JAK2: variants seen among roughly 807,000 people sequenced by gnomAD.
JAK2 encodes tyrosine-protein kinase JAK2.
A neutral mutation model predicts 139.3 loss-of-function variants in JAK2; 86 were observed. The observed-to-expected ratio is 0.62, with a 90% CI of 0.52 to 0.74. The LOEUF is 0.74. Ranked by LOEUF, JAK2 falls within the 30% of genes least tolerant of loss-of-function variation. The probability of loss-of-function intolerance (pLI) is 0.00; values close to 1 mark genes in which losing one functional copy is unlikely to be tolerated. For synonymous variants in JAK2, 490 were observed against 437.7 expected (o/e 1.12, Z -1.49); for missense variants, 1,421 against 1,360.3 (o/e 1.04, Z -0.70).
At chr9:5,007,874 C>G (rs1460182988) in intron 2 of JAK2, among the ~76,000 whole-genome samples, 11 of 151,866 alleles carry the variant, frequency 7.2e-5, no homozygotes, top group Admixed American at 7.2e-4. Context: ...ATTACAGGCA[C>G]GTGCCACCAC....
Position 5,022,148 on chromosome 9 carries a change from A to G in JAK2, c.161A>G (p.Tyr54Cys). ...TCCCTTGGGAAATCTGAGGCAGATT[A>G]TCTGACCTTTCCATCTGGGGAGTAT... Reference protein sequence around the residue: ...YHSLGKSEADYLTFPSGEYVA... With the variant: ...YHSLGKSEADCLTFPSGEYVA... The change falls in exon 3 of 25, where the codon TAT (tyrosine) becomes TGT (cysteine). Residue 54 changes from tyrosine to cysteine, a missense_variant. By Grantham distance (194) the Tyr-to-Cys change is radical (BLOSUM62 -2). Coordinates refer to ENST00000381652, the MANE Select transcript of JAK2 (RefSeq NM_004972.4). The G allele has an allele frequency of 6.2e-7, 1 of 1,614,194 alleles. No individual in the cohort carries two copies. Among genetic ancestry groups the G allele is most frequent in the Non-Finnish European group, 8.5e-7 (1 of 1,179,998 alleles).
intron 8 of JAK2, among the ~76,000 whole-genome samples, chr9:5,059,756 C>A (rs765280009): frequency 6.6e-6 from 1 of 152,098 alleles, no homozygotes; most frequent in African/African-American, 2.4e-5. Context: ...TGGATGTGTA[C>A]TGGTAGCTAT....
At chr9:5,025,446 T>C (rs1410216863) in intron 3 of JAK2, among the ~76,000 whole-genome samples, 1 of 152,124 alleles carries the variant, frequency 6.6e-6, no homozygotes, top group Admixed American at 6.6e-5. Context: ...TTCATTGTTA[T>C]TTTGTTATTC....
chr9:5,079,835 T>C (rs1324513319), intron 16 of JAK2, among the ~76,000 whole-genome samples: 1 of 152,104 alleles, frequency 6.6e-6, no homozygotes, highest in Non-Finnish European at 1.5e-5. Flanking sequence ...AAAATTTTTT[T>C]TTTTTGAAGG....
chr9:5,079,467 C>T (rs1819530406), intron 16 of JAK2, among the ~76,000 whole-genome samples: 1 of 151,578 alleles, frequency 6.6e-6, no homozygotes. Context: ...ATTTAGCCTT[C>T]CATCTGCCAT....
intron 3 of JAK2, among the ~76,000 whole-genome samples, chr9:5,025,024 A>C (rs1450142204): frequency 6.6e-6 from 1 of 151,910 alleles, no homozygotes; most frequent in Non-Finnish European, 1.5e-5. Context: ...ATGCTGCACA[A>C]CTTTCCTGCC....
At chr9:5,088,928 A>C (rs978194189) in intron 19 of JAK2, among the ~76,000 whole-genome samples, 5 of 152,188 alleles carry the variant, frequency 3.3e-5, no homozygotes, top group African/African-American at 1.2e-4. Context: ...TCATTATATA[A>C]ATTTTGGGTA....
At chr9:5,087,749 AGT>A (rs1251875684) in intron 19 of JAK2, among the ~76,000 whole-genome samples, 4 of 152,112 alleles carry the variant, frequency 2.6e-5, no homozygotes, top group African/African-American at 9.7e-5. Flanking sequence ...CTTCTAATGC[AGT>A]GTGTATCAAG....
chr9:5,027,832 G>A (rs190968574), intron 3 of JAK2, among the ~76,000 whole-genome samples: 3 of 152,138 alleles, frequency 2.0e-5, no homozygotes, highest in East Asian at 3.9e-4. Flanking sequence ...AAGTTTTATC[G>A]TGAGATTACA....
chr9:5,097,144 T>G (rs1376879493), intron 22 of JAK2: 1 of 152,164 alleles, frequency 6.6e-6, no homozygotes, highest in Non-Finnish European at 1.5e-5. Flanking sequence ...TTAGGAGCCA[T>G]TAACTTTATT....
At chr9:5,115,083 C>T (rs934338557) in intron 22 of JAK2, among the ~76,000 whole-genome samples, 1 of 152,164 alleles carries the variant, frequency 6.6e-6, no homozygotes, top group Non-Finnish European at 1.5e-5. Context: ...TCTAATTAAA[C>T]TAAACAGCTG....
At chr9:5,004,615 T>TCA (rs1821150992) in intron 2 of JAK2, among the ~76,000 whole-genome samples, 1 of 152,158 alleles carries the variant, frequency 6.6e-6, no homozygotes, top group Non-Finnish European at 1.5e-5. Flanking sequence ...TAGATATTGC[T>TCA]TTGACATATT....
At chr9:5,074,401 A>T (rs1819174323) in intron 14 of JAK2, among the ~76,000 whole-genome samples, 1 of 152,280 alleles carries the variant, frequency 6.6e-6, no homozygotes, top group Middle Eastern at 3.4e-3. Context: ...ACATTTTCCC[A>T]ACAGCATGTG....
At chr9:5,041,880 G>GC in intron 4 of JAK2, 2 of 428,854 alleles carry the variant, frequency 4.7e-6, no homozygotes, top group Non-Finnish European at 9.0e-6. Flanking sequence ...CCACTCCAGC[G>GC]CCCATCAGGG....
chr9:5,037,201 G>C (rs1302813257), intron 4 of JAK2, among the ~76,000 whole-genome samples: 3 of 152,072 alleles, frequency 2.0e-5, no homozygotes, highest in African/African-American at 7.2e-5. Flanking sequence ...AAAAAGTCAG[G>C]AAACAACAGG....
At chr9:5,115,706 A>G (rs974339781) in intron 22 of JAK2, among the ~76,000 whole-genome samples, 1 of 152,260 alleles carries the variant, frequency 6.6e-6, no homozygotes. Context: ...TGTGACACAT[A>G]TACACCATGG....
Position 5,086,114 on chromosome 9 carries a change from C to G in JAK2, c.2572-3560C>G, listed in dbSNP as rs180771883. ...TCTGCCTATGAGCCTGCGCGGGCAT[C>G]GGCAGCGGCGCGCGGCCCCGGCGGC... is the stretch of plus-strand genomic sequence containing the variant. On this transcript the variant is annotated intron_variant, in intron 19 of 24. Transcript: ENST00000381652. The G allele has an allele frequency of 1.8e-3, 804 of 455,382 alleles. 12 individuals carry two copies. The highest frequency in any genetic ancestry group is 0.015 in the Admixed American group (508 of 32,934). 28.2% of individuals were successfully genotyped at this position (455,382 alleles called of 1,614,324 possible).
chr9:4,985,786 C>G (rs772996104), intron 1 of JAK2, among the ~76,000 whole-genome samples, 154 bp from the exon 2 acceptor site: 1 of 152,186 alleles, frequency 6.6e-6, no homozygotes, highest in Non-Finnish European at 1.5e-5. Flanking sequence ...ACGAGTCTTG[C>G]TGGTGATATT....
At chr9:5,037,180 T>C (rs75354820) in intron 4 of JAK2, among the ~76,000 whole-genome samples, 36,400 of 151,778 alleles carry the variant, frequency 0.24, 4,673 homozygotes, top group South Asian at 0.31. Flanking sequence ...CCAGTTAGAA[T>C]GGCGATCATT....
Sources: allele counts gnomAD v4.1 joint callset (sites outside exome capture counted in the v4.1 genomes callset), GRCh38; gene constraint gnomAD v4.1.1; transcripts MANE v1.5; gene names NCBI Gene and HGNC (gene_info 2026-07-23, HGNC 2026-07-21).